Variants in L2HGDH observed in about 807,000 individuals in gnomAD.
The protein encoded by L2HGDH is L-2-hydroxyglutarate dehydrogenase, mitochondrial.
A neutral mutation model predicts 51.5 loss-of-function variants in L2HGDH; 34 were observed. The observed-to-expected ratio is 0.66, with a 90% CI of 0.50 to 0.88. The LOEUF (loss-of-function observed/expected upper bound fraction) is 0.88, where lower values mean the gene tolerates loss of function less well. Ranked by LOEUF, L2HGDH falls within the 40% of genes least tolerant of loss-of-function variation. The pLI is 0.00. For synonymous variants in L2HGDH, 198 were observed against 197.9 expected, an observed-to-expected ratio of 1.00 and a Z score of -0.01; for missense variants, 558 against 571.9, an observed-to-expected ratio of 0.98 and a Z score of 0.25.
In L2HGDH at chr14:50,265,380, T is replaced by C. The variant is rs373172891; in HGVS notation, c.1174A>G (p.Ile392Val). ...VKYLQKFIPE[I>V]TISDILRGPA... Reference sequence around the variant, plus strand: ...TACCTAAGTATATCACTGATAGTAATTTCAGGGATGAATTTTTGAAGATAC... The same window carrying C: ...TACCTAAGTATATCACTGATAGTAACTTCAGGGATGAATTTTTGAAGATAC... Residue 392 changes from isoleucine to valine, a missense_variant, in exon 9 of 10, where the codon ATT (isoleucine) becomes GTT (valine). Transcript: ENST00000267436. 2.1e-4 allele frequency: 331 copies of C among 1,611,802 alleles called. 7 individuals carry two copies. In the East Asian group the frequency reaches 7.2e-3, roughly 35 times the overall value.
chr14:50,284,602 G>A (rs138789786), intron 4 of L2HGDH, among the ~76,000 whole-genome samples: 7 of 152,192 alleles, frequency 4.6e-5, no homozygotes, highest in Non-Finnish European at 8.8e-5. Context: ...AATGTTGAAC[G>A]TGTCATTGGC....
chr14:50,267,799 G>T lies in L2HGDH; in HGVS notation c.1018C>A (p.Pro340Thr). The T allele has an allele frequency of 1.2e-6, 2 of 1,613,296 alleles. No homozygotes were observed. Among genetic ancestry groups the T allele is most frequent in the South Asian group, 2.2e-5 (2 of 91,068 alleles). ...ACATCTGTGGCACTGAAGTCAAAGG[G>T]TCTGTAACCCTCTCGTTTAAAGGCA... is the stretch of plus-strand genomic sequence containing the variant. ...VLAFKREGYR[P>T]FDFSATDVMD... The change falls in exon 8 of 10, where the codon CCC becomes ACC. Residue 340 changes from proline (P) to threonine (T), a missense_variant. This residue lies in a region of L2HGDH where 321 missense variants were observed against 311.8 expected (regional missense o/e 1.03). Transcript: ENST00000267436.
chr14:50,278,190 CCCTCTT>C (rs1890076056), intron 6 of L2HGDH, among the ~76,000 whole-genome samples: 1 of 152,154 alleles, frequency 6.6e-6, no homozygotes, highest in African/African-American at 2.4e-5. Context: ...CCTGCATACT[CCCTCTT>C]CCGAAGTCTT....
At chr14:50,289,588 T>G (rs556359142) in intron 4 of L2HGDH, among the ~76,000 whole-genome samples, 5 of 152,172 alleles carry the variant, frequency 3.3e-5, no homozygotes, top group Non-Finnish European at 7.3e-5. Flanking sequence ...GCTGGCTTTA[T>G]AGGCAGAAAA....
intron 4 of L2HGDH, chr14:50,287,141 A>G (rs948596118): frequency 1.0e-6 from 1 of 967,032 alleles, no homozygotes; most frequent in African/African-American, 1.8e-5. Context: ...ATATAATTTC[A>G]TTACCTATGC....
intron 6 of L2HGDH, among the ~76,000 whole-genome samples, chr14:50,277,774 AAATAAT>A (rs34552494): frequency 0.21 from 28,345 of 133,238 alleles, 3,361 homozygotes; most frequent in African/African-American, 0.29. Context: ...CTCCGTCTCA[AAATAAT>A]AATAATAATA....
At chr14:50,264,602 T>C (rs1232972507) in intron 9 of L2HGDH, among the ~76,000 whole-genome samples, 1 of 152,180 alleles carries the variant, frequency 6.6e-6, no homozygotes, top group Non-Finnish European at 1.5e-5. Flanking sequence ...CTGGAGGCTA[T>C]CATCCTTAGC....
intron 5 of L2HGDH, chr14:50,282,361 GCTTCCAC>G: frequency 4.6e-6 from 2 of 436,348 alleles, no homozygotes; most frequent in Non-Finnish European, 4.6e-6. Context: ...CAGCCTCTTA[GCTTCCAC>G]CTTCCTGTTG....
intron 4 of L2HGDH, among the ~76,000 whole-genome samples, chr14:50,288,754 T>C (rs1314035626): frequency 1.3e-5 from 2 of 152,180 alleles, no homozygotes; most frequent in Non-Finnish European, 2.9e-5. Context: ...TATAGGAAAG[T>C]AACTTTGAAA....
chr14:50,300,180 A>C (rs2030323266), intron 3 of L2HGDH, among the ~76,000 whole-genome samples: 1 of 152,154 alleles, frequency 6.6e-6, no homozygotes, highest in African/African-American at 2.4e-5. Context: ...ATAGTTAATA[A>C]TGTATTATAT....
chr14:50,288,811 T>C (rs1033160958), intron 4 of L2HGDH, among the ~76,000 whole-genome samples: 2 of 152,210 alleles, frequency 1.3e-5, no homozygotes, highest in Admixed American at 6.5e-5. Flanking sequence ...TTCAACCCTT[T>C]TCTGTCTATA....
rs1157197421 is a variant in L2HGDH, at chr14:50,247,133, A to T, written c.1317T>A (p.Pro439=). ...CAATGGAAGAAGTAGCAGCAGGAGA[A>T]GGTGCATTTCTCACATGAAGAATGC... ...GNRILHVRNA[P]SPAATSSIAI... is the part of the protein sequence containing the mutation. Residue 439 remains proline (P), a synonymous_variant, in exon 10 of 10, where the codon CCT becomes CCA. Transcript: ENST00000267436. 1 of 1,614,018 alleles carries T rather than the reference A, an allele frequency of 6.2e-7. No individual in the cohort carries two copies. The highest frequency in any genetic ancestry group is 8.5e-7 in the Non-Finnish European group (1 of 1,179,980).
chr14:50,263,136 C>G (rs1889130309), intron 9 of L2HGDH, among the ~76,000 whole-genome samples: 1 of 152,198 alleles, frequency 6.6e-6, no homozygotes, highest in South Asian at 2.1e-4. Context: ...TTCACTGCAA[C>G]TATTTTTATA....
chr14:50,284,751 AGAG>A (rs1890471409), intron 4 of L2HGDH, among the ~76,000 whole-genome samples: 1 of 152,182 alleles, frequency 6.6e-6, no homozygotes, highest in Non-Finnish European at 1.5e-5. Context: ...AATTTCCCCA[AGAG>A]GGTAGCCTGG....
intron 1 of L2HGDH, among the ~76,000 whole-genome samples, chr14:50,306,578 T>G (rs946993): frequency 0.57 from 84,860 of 148,148 alleles, 24,276 homozygotes; most frequent in East Asian, 0.66. Context: ...TTGTTTTTTT[T>G]GGGGGGTTTT....
In L2HGDH at chr14:50,265,489, A is replaced by T. The variant is rs1390369909; in HGVS notation, c.1065T>A (p.Ser355Arg). The change falls in exon 9 of 10, where the codon AGT becomes AGA. Residue 355 changes from serine (S) to arginine (R), a missense_variant and splice_region_variant. By Grantham distance (110) the Ser-to-Arg change is moderately radical. This residue lies in a region of L2HGDH where 321 missense variants were observed against 311.8 expected (regional missense o/e 1.03). Transcript: ENST00000267436. ...ATDVMDIIIN[S>R]GLIKLASQNF... ...TCTGGGATGCCAGTTTAATCAAGCC[A>T]CTGAAAACAGAGAAAAAAAATCTTT... 1.2e-6 allele frequency: 2 copies of T among 1,611,972 alleles called. 1 individual carries two copies. Among genetic ancestry groups the T allele is most frequent in the East Asian group, 4.5e-5 (2 of 44,846 alleles).
intron 8 of L2HGDH, among the ~76,000 whole-genome samples, chr14:50,267,184 T>C (rs28564938): frequency 3.2e-5 from 4 of 125,898 alleles, no homozygotes; most frequent in South Asian, 5.3e-4. Context: ...TTTATTTATT[T>C]ATTTATTCAT....
At chr14:50,291,606 G>A (rs533292442) in intron 4 of L2HGDH, among the ~76,000 whole-genome samples, 109 of 152,264 alleles carry the variant, frequency 7.2e-4, no homozygotes, top group African/African-American at 1.9e-3. Context: ...TACCAGCAGC[G>A]TCTTAGGAGC....
rs1005174836 is a variant in L2HGDH at position 50,294,327 on chromosome 14, T to C, written c.409-81A>G. ...GAAAGATAAAGTCAATGGAAAATCA[T>C]CAACTATTGTATGACCCAAAGGAGG... On this transcript the variant is annotated intron_variant, in intron 3 of 9. Transcript: ENST00000267436. 3 of 1,431,270 alleles carry C rather than the reference T, an allele frequency of 2.1e-6. No homozygotes were observed. The African/African-American group carries it at 4.2e-5, about 20-fold the overall frequency. The allele number at this position is 1,431,270 out of a possible 1,614,324, so 88.7% of individuals were successfully genotyped here.
Sources: allele counts gnomAD v4.1 joint callset (sites outside exome capture counted in the v4.1 genomes callset), GRCh38; gene constraint gnomAD v4.1.1; regional missense constraint gnomAD v4.1.1; transcripts MANE v1.5; gene names NCBI Gene and HGNC (gene_info 2026-07-23, HGNC 2026-07-21).